Variants in SH2D4B observed in about 807,000 individuals in gnomAD.
SH2D4B encodes the protein SH2 domain containing 4B.
In SH2D4B, 45 loss-of-function variants were observed where a neutral mutation model predicts 61.5. The ratio of observed to expected loss-of-function variants is 0.73; its 90% CI spans 0.58 to 0.94. The LOEUF is 0.94. Among genes scored for constraint, SH2D4B ranks in the 40% least tolerant of loss-of-function variants. The pLI is 0.00. For missense variants in SH2D4B, 572 were observed against 574.2 expected (o/e 1.00, Z 0.04); for synonymous variants, 224 against 220.4 (o/e 1.02, Z -0.14).
intron 1 of SH2D4B, among the ~76,000 whole-genome samples, chr10:80,562,293 C>G (rs975400224): frequency 2.0e-5 from 3 of 152,338 alleles, no homozygotes; most frequent in South Asian, 4.1e-4. Flanking sequence ...TAAGTCCTTA[C>G]TTAACATCAC....
intron 6 of SH2D4B, among the ~76,000 whole-genome samples, chr10:80,610,469 C>T (rs940970733): frequency 6.6e-6 from 1 of 152,168 alleles, no homozygotes; most frequent in East Asian, 1.9e-4. Flanking sequence ...CTTTACAGTT[C>T]CGAAGAACAG....
intron 4 of SH2D4B, among the ~76,000 whole-genome samples, chr10:80,602,992 C>T (rs1033494165): frequency 8.5e-5 from 13 of 152,178 alleles, no homozygotes; most frequent in African/African-American, 3.1e-4. Flanking sequence ...CTTAACCTCT[C>T]AGAGGCTGGT....
At chr10:80,543,118 T>C (rs1841605248) in intron 1 of SH2D4B, among the ~76,000 whole-genome samples, 1 of 151,996 alleles carries the variant, frequency 6.6e-6, no homozygotes, top group East Asian at 1.9e-4. Flanking sequence ...CTCACAGCCC[T>C]CTCTCGCTCT....
chr10:80,538,480 A>C lies in SH2D4B; in HGVS notation c.149A>C (p.Gln50Pro). 3.4e-6 allele frequency: 5 copies of C among 1,449,844 alleles called. No individual in the cohort carries two copies. Among genetic ancestry groups the C allele is most frequent in the Non-Finnish European group, 2.7e-6 (3 of 1,100,862 alleles). The allele number at this position is 1,449,844 out of a possible 1,614,324, so 89.8% of individuals were successfully genotyped here. A position where few individuals can be genotyped will look rare whatever the true frequency, so the allele number is the denominator to read the frequency against. Residue 50 changes from glutamine (Q) to proline (P), a missense_variant, in exon 1 of 8, where the codon CAG becomes CCG. Coordinates refer to ENST00000646907, the MANE Select transcript of SH2D4B (RefSeq NM_001388272.1). The surrounding 1 kb of genome is among the most constrained non-coding windows in gnomAD (Gnocchi z 4.8). ...KERETWEALAQDEGLRPPKTK... is the reference protein window; with the variant it reads ...KERETWEALAPDEGLRPPKTK... ...CGGGAGACTTGGGAGGCCCTGGCCC[A>C]GGACGAGGGTCTCAGGCCTCCAAAG... is the stretch of plus-strand genomic sequence containing the variant.
intron 1 of SH2D4B, among the ~76,000 whole-genome samples, chr10:80,557,963 G>A (rs1327581993): frequency 6.6e-6 from 1 of 151,996 alleles, no homozygotes; most frequent in African/African-American, 2.4e-5. Context: ...TCTAATATAA[G>A]CATTTGATGC....
chr10:80,601,073 A>T (rs1049877075), intron 4 of SH2D4B, among the ~76,000 whole-genome samples: 1 of 152,186 alleles, frequency 6.6e-6, no homozygotes, highest in Non-Finnish European at 1.5e-5. Flanking sequence ...TCTCAGGGCC[A>T]CTTGGCAGAC....
chr10:80,556,748 T>G (rs907974225), intron 1 of SH2D4B, among the ~76,000 whole-genome samples: 2 of 152,218 alleles, frequency 1.3e-5, no homozygotes, highest in African/African-American at 4.8e-5. Flanking sequence ...ATTAACCTTA[T>G]AGCTTGTGAC....
Position 80,570,261 on chromosome 10 carries a change from G to T in SH2D4B, c.292G>T (p.Glu98Ter). 10 of 1,614,070 alleles carry T rather than the reference G, an allele frequency of 6.2e-6. No homozygotes were observed. Among genetic ancestry groups the T allele is most frequent in the South Asian group, 2.2e-5 (2 of 91,078 alleles). ...CAAGCCCTACGAAGAGATCTCTGAG[G>T]AGCTGATTGCAGAGAGGGCGCGGCT... is the stretch of plus-strand genomic sequence containing the variant. ...GDKPYEEISE[E>*]LIAERARLQA... The change falls in exon 2 of 8, where the codon GAG becomes TAG. Residue 98 changes from glutamate to a stop codon, truncating the protein, a stop_gained. Transcript: ENST00000646907. LOFTEE classifies it high-confidence loss of function.
intron 7 of SH2D4B, among the ~76,000 whole-genome samples, chr10:80,639,746 G>A (rs1840256218): frequency 6.6e-6 from 1 of 152,200 alleles, no homozygotes; most frequent in Non-Finnish European, 1.5e-5. Flanking sequence ...TTGCCAGTCT[G>A]TGTCTTTTAA....
At chr10:80,582,512 G>T (rs1016536557) in intron 3 of SH2D4B, among the ~76,000 whole-genome samples, 38 of 152,168 alleles carry the variant, frequency 2.5e-4, no homozygotes, top group African/African-American at 8.9e-4. Context: ...CCGCACTGGG[G>T]CCCAGGGTGA....
intron 3 of SH2D4B, among the ~76,000 whole-genome samples, chr10:80,572,839 C>T (rs898504808): frequency 2.0e-5 from 3 of 146,868 alleles, no homozygotes; most frequent in Admixed American, 1.4e-4. Flanking sequence ...AGGCTGGTCT[C>T]GAACTCCTGA....
In SH2D4B at chr10:80,629,041, A is replaced by AAAAAAAAGAAAAG. The variant is rs1554818356; in HGVS notation, c.989-5244_989-5243insAAAAAAAGAAAAG. Among the ~76,000 whole-genome samples, 896 of 144,010 alleles carry AAAAAAAAGAAAAG rather than the reference A, an allele frequency of 6.2e-3. 3 individuals are homozygous for AAAAAAAAGAAAAG. The highest frequency in any genetic ancestry group is 0.011 in the Middle Eastern group (3 of 268). The allele number at this position is 144,010 out of a possible 152,430, so 94.5% of individuals were successfully genotyped here. A position where few individuals can be genotyped will look rare whatever the true frequency, so the allele number is the denominator to read the frequency against. On this transcript the variant is annotated intron_variant, in intron 6 of 7. Transcript: ENST00000646907. ...CGAGACTCTATCTCAAAAAAAAAAA[A>AAAAAAAAGAAAAG]GAAAAAGAAAAAGAAATACCCAAGA... is the stretch of plus-strand genomic sequence containing the variant.
intron 7 of SH2D4B, among the ~76,000 whole-genome samples, chr10:80,640,999 T>A (rs1840286075): frequency 1.3e-5 from 2 of 152,350 alleles, no homozygotes; most frequent in African/African-American, 4.8e-5. Context: ...TTTGTTGATG[T>A]TGATGCTATT....
intron 1 of SH2D4B, among the ~76,000 whole-genome samples, chr10:80,548,199 C>G (rs1170431161): frequency 6.6e-6 from 1 of 152,206 alleles, no homozygotes; most frequent in African/African-American, 2.4e-5. Flanking sequence ...CAGTTTCACT[C>G]TGTCGCCCAG....
In SH2D4B at chr10:80,646,318, G is replaced by T. The variant is rs1470437029; in HGVS notation, c.*2233G>T. On this transcript the variant is annotated 3_prime_UTR_variant, in exon 8 of 8. Coordinates refer to ENST00000646907, the MANE Select transcript of SH2D4B (RefSeq NM_001388272.1). The stretch of plus-strand genomic sequence containing the variant: ...TGAGACCCTGAATCCCTGGGCTGTT[G>T]TTCCTGTCACCCCTAATTAATATGT... 9 of 152,600 alleles carry T rather than the reference G, an allele frequency of 5.9e-5. No individual in the cohort carries two copies. Among genetic ancestry groups the T allele is most frequent in the African/African-American group, 2.2e-4 (9 of 41,436 alleles). 9.5% of individuals were successfully genotyped at this position (152,600 alleles called of 1,614,324 possible). A position where few individuals can be genotyped will look rare whatever the true frequency, so the allele number is the denominator to read the frequency against.
Position 80,542,318 on chromosome 10 carries a change from G to C in SH2D4B, c.184+3803G>C, listed in dbSNP as rs546849290. ...GGTTCTCAGGGCCAGAGCTGGGTGTGACCAGGGGACACAGGACTGAGGACA... is the reference window on the plus strand; with the variant it reads ...GGTTCTCAGGGCCAGAGCTGGGTGTCACCAGGGGACACAGGACTGAGGACA... On this transcript the variant is annotated intron_variant, in intron 1 of 7. Coordinates refer to ENST00000646907, the MANE Select transcript of SH2D4B (RefSeq NM_001388272.1). Among the ~76,000 whole-genome samples the C allele has an allele frequency of 3.3e-5, 5 of 151,844 alleles. No homozygotes were observed. In the South Asian group the frequency reaches 1.0e-3, roughly 32 times the overall value.
At chr10:80,578,987 C>A (rs1842157148) in intron 3 of SH2D4B, among the ~76,000 whole-genome samples, 1 of 152,110 alleles carries the variant, frequency 6.6e-6, no homozygotes, top group Non-Finnish European at 1.5e-5. Context: ...GAGGAGATGG[C>A]AGCACCATCC....
intron 7 of SH2D4B, among the ~76,000 whole-genome samples, chr10:80,636,920 A>G (rs1285204442): frequency 6.6e-6 from 1 of 152,124 alleles, no homozygotes; most frequent in African/African-American, 2.4e-5. Flanking sequence ...TTATGGTTTT[A>G]GGTCTAATGT....
At position 80,645,698 on chromosome 10, in the gene SH2D4B, C is replaced by T. The variant is rs1297789022; in HGVS notation, c.*1613C>T. The T allele has an allele frequency of 6.6e-6, 1 of 152,232 alleles. No individual in the cohort carries two copies. Among genetic ancestry groups the T allele is most frequent in the Admixed American group, 6.5e-5 (1 of 15,282 alleles). 9.4% of individuals were successfully genotyped at this position (152,232 alleles called of 1,614,324 possible). On this transcript the variant is annotated 3_prime_UTR_variant, in exon 8 of 8. Coordinates refer to ENST00000646907, the MANE Select transcript of SH2D4B (RefSeq NM_001388272.1). ...CCTTGCCCTGCTCTCTCCTGTTGCT[C>T]TGGGATTGCACTTCTGAATGAAGTA...
Sources: gnomAD v4.1 joint callset for allele counts (sites outside exome capture counted in the v4.1 genomes callset) on GRCh38, gnomAD v4.1.1 for gene constraint, Gnocchi (gnomAD v3.1) non-coding constraint, MANE v1.5 for transcripts, NCBI Gene and HGNC (gene_info 2026-07-23, HGNC 2026-07-21) for gene names.